The following AFG2A variants were observed in gnomAD, a reference collection of about 807,000 sequenced individuals.
AFG2A encodes the protein ATPase family gene 2 protein homolog A.
At chr4:123,203,383 C>T in the AFG2A span, among the ~76,000 whole-genome samples, 19 of 152,044 alleles carry the variant, frequency 1.2e-4, no homozygotes, top group Non-Finnish European at 1.3e-4. Context: ...AGTCCAATGG[C>T]GCAGTCTTGG....
At chr4:122,965,688 C>T in the AFG2A span, among the ~76,000 whole-genome samples, 1 of 152,080 alleles carries the variant, frequency 6.6e-6, no homozygotes, top group South Asian at 2.1e-4. Context: ...AAATTAACTC[C>T]AAAGTTAGTG....
At chr4:123,113,889 G>A in the AFG2A span, among the ~76,000 whole-genome samples, 140 of 152,250 alleles carry the variant, frequency 9.2e-4, no homozygotes, top group Middle Eastern at 3.4e-3. Flanking sequence ...AGGTCATCTC[G>A]TTGAGTGTTG....
At chr4:123,038,628 AT>A in the AFG2A span, among the ~76,000 whole-genome samples, 1 of 152,098 alleles carries the variant, frequency 6.6e-6, no homozygotes, top group Non-Finnish European at 1.5e-5. Flanking sequence ...CTTGGGTTGC[AT>A]TTTGCAGGCC....
At chr4:123,299,454 C>T in the AFG2A span, among the ~76,000 whole-genome samples, 1 of 152,146 alleles carries the variant, frequency 6.6e-6, no homozygotes, top group Non-Finnish European at 1.5e-5. Flanking sequence ...ATTCTTGGCA[C>T]TTGTTTCAAT....
the AFG2A span, among the ~76,000 whole-genome samples, chr4:123,143,703 A>G: frequency 6.6e-6 from 1 of 151,962 alleles, no homozygotes; most frequent in Non-Finnish European, 1.5e-5. Flanking sequence ...AACATGAAGA[A>G]TAGAATGTAA....
the AFG2A span, among the ~76,000 whole-genome samples, chr4:123,031,264 G>A: frequency 4.6e-5 from 7 of 152,108 alleles, no homozygotes; most frequent in African/African-American, 7.2e-5. Context: ...AGATTCTTGT[G>A]CCTCAGCCTC....
chr4:123,259,281 A>G, the AFG2A span, among the ~76,000 whole-genome samples: 1 of 152,222 alleles, frequency 6.6e-6, no homozygotes, highest in Non-Finnish European at 1.5e-5. Context: ...AGACCAGCTC[A>G]GTGTTTGAAA....
the AFG2A span, among the ~76,000 whole-genome samples, chr4:122,970,055 C>T: frequency 6.6e-6 from 1 of 152,012 alleles, no homozygotes; most frequent in Non-Finnish European, 1.5e-5. Context: ...TTGGTGTAGC[C>T]TAAGTGGATA....
At chr4:123,081,630 T>G in the AFG2A span, among the ~76,000 whole-genome samples, 2,181 of 152,318 alleles carry the variant, frequency 0.014, 26 homozygotes, top group Non-Finnish European at 0.021. Flanking sequence ...AAGTTTTCTA[T>G]TCCTTTTGAT....
the AFG2A span, among the ~76,000 whole-genome samples, chr4:123,196,721 G>T: frequency 0.021 from 3,206 of 152,164 alleles, 61 homozygotes; most frequent in Non-Finnish European, 0.035. Flanking sequence ...AACTTTTAAG[G>T]CTTCCCAAGT....
the AFG2A span, among the ~76,000 whole-genome samples, chr4:123,185,359 A>C: frequency 6.6e-6 from 1 of 152,052 alleles, no homozygotes; most frequent in Non-Finnish European, 1.5e-5. Flanking sequence ...CTGTTACAAT[A>C]GCTACTGTAG....
chr4:123,219,955 C>T, the AFG2A span, among the ~76,000 whole-genome samples: 112 of 152,086 alleles, frequency 7.4e-4, no homozygotes, highest in Non-Finnish European at 1.4e-3. Context: ...CTGCAACCTC[C>T]GCCTTTCTGT....
the AFG2A span, among the ~76,000 whole-genome samples, chr4:123,110,249 T>C: frequency 5.2e-3 from 789 of 152,286 alleles, 3 homozygotes; most frequent in Non-Finnish European, 9.4e-3. Flanking sequence ...TCCAGTTATA[T>C]TCATGACTGT....
At chr4:123,015,142 A>G in the AFG2A span, among the ~76,000 whole-genome samples, 1 of 150,850 alleles carries the variant, frequency 6.6e-6, no homozygotes, top group Non-Finnish European at 1.5e-5. Flanking sequence ...ATTGGTTTTC[A>G]GAGTCCTCGA....
the AFG2A span, among the ~76,000 whole-genome samples, chr4:123,296,695 C>T: frequency 1.3e-5 from 2 of 152,130 alleles, no homozygotes; most frequent in Non-Finnish European, 1.5e-5. Context: ...GGGTAGCAGG[C>T]GAGTGATTTC....
At chr4:122,934,682 C>T in the AFG2A span, 12 of 1,602,892 alleles carry the variant, frequency 7.5e-6, no homozygotes, top group South Asian at 2.3e-5. Flanking sequence ...CAGCTGAAAG[C>T]AATTAGAGAA....
the AFG2A span, among the ~76,000 whole-genome samples, chr4:123,194,579 T>TC: frequency 6.6e-6 from 1 of 152,326 alleles, no homozygotes; most frequent in South Asian, 2.1e-4. Context: ...CTTAATGAGT[T>TC]ACATGAAATG....
chr4:123,078,387 C>T, the AFG2A span, among the ~76,000 whole-genome samples: 6 of 152,050 alleles, frequency 3.9e-5, no homozygotes, highest in African/African-American at 1.2e-4. Flanking sequence ...GTAGTATTAG[C>T]GTGTTTGTGA....
the AFG2A span, among the ~76,000 whole-genome samples, chr4:123,003,906 C>G: frequency 1.3e-5 from 2 of 152,080 alleles, no homozygotes; most frequent in African/African-American, 2.4e-5. Context: ...GCCCTGCCCC[C>G]AAAGGTGGAG....
Sources: gnomAD v4.1 joint callset for allele counts (sites outside exome capture counted in the v4.1 genomes callset) on GRCh38, gnomAD v4.1.1 for gene constraint, MANE v1.5 for transcripts, NCBI Gene and HGNC (gene_info 2026-07-23, HGNC 2026-07-21) for gene names.